Variants in CNBD1 observed in about 807,000 individuals in gnomAD.
CNBD1 encodes the protein cyclic nucleotide-binding domain-containing protein 1.
A neutral mutation model predicts 54.4 loss-of-function variants in CNBD1; 71 were observed. The ratio of observed to expected loss-of-function variants is 1.30; its 90% confidence interval spans 1.08 to 1.59. The LOEUF is 1.59. CNBD1 is among the 40% of genes most tolerant of loss of function. The pLI is 0.00. For synonymous variants in CNBD1, 182 were observed against 170.7 expected (o/e 1.07, Z -0.51); for missense variants, 659 against 518.0 (o/e 1.27, Z -2.64).
chr8:87,075,510 A>G (rs939294806), intron 4 of CNBD1, among the ~76,000 whole-genome samples: 7 of 152,208 alleles, frequency 4.6e-5, no homozygotes, highest in African/African-American at 7.2e-5. Flanking sequence ...CTCATTCATC[A>G]TGATTGCTTC....
At chr8:87,145,909 T>C (rs1388241017) in intron 4 of CNBD1, among the ~76,000 whole-genome samples, 1 of 152,150 alleles carries the variant, frequency 6.6e-6, no homozygotes, top group East Asian at 1.9e-4. Context: ...GATCATATTT[T>C]ACTTTCTACT....
chr8:87,341,022 C>A (rs1368947484), intron 8 of CNBD1, among the ~76,000 whole-genome samples: 1 of 152,100 alleles, frequency 6.6e-6, no homozygotes, highest in African/African-American at 2.4e-5. Context: ...ATTTTTCATA[C>A]ATACGTTCAT....
chr8:87,404,692 CT>C (rs1462108110), intron 2 of CNBD1, among the ~76,000 whole-genome samples: 1 of 152,056 alleles, frequency 6.6e-6, no homozygotes, highest in Non-Finnish European at 1.5e-5. Context: ...GGTTTAGCTG[CT>C]TGTATATTTG....
At chr8:87,370,828 C>T (rs1228883888) in intron 10 of CNBD1, among the ~76,000 whole-genome samples, 1 of 150,202 alleles carries the variant, frequency 6.7e-6, no homozygotes, top group African/African-American at 2.5e-5. Context: ...ATGGTAATGC[C>T]TAGGTTTTCT....
intron 4 of CNBD1, among the ~76,000 whole-genome samples, chr8:87,110,216 G>A (rs1811635072): frequency 6.6e-6 from 1 of 152,092 alleles, no homozygotes; most frequent in East Asian, 1.9e-4. Context: ...TGCTACAAAT[G>A]GCATGCACTT....
chr8:87,398,641 A>G (rs1040119034), intron 2 of CNBD1, among the ~76,000 whole-genome samples: 1 of 151,940 alleles, frequency 6.6e-6, no homozygotes, highest in African/African-American at 2.4e-5. Flanking sequence ...TCCTTTTATT[A>G]TATTCCACAC....
intron 4 of CNBD1, among the ~76,000 whole-genome samples, chr8:87,029,347 C>T (rs1726680166): frequency 2.0e-5 from 3 of 152,158 alleles, no homozygotes; most frequent in Admixed American, 1.3e-4. Flanking sequence ...TGGTAATTTT[C>T]AGCACTTAGT....
At chr8:87,365,919 C>G (rs972415392) in intron 10 of CNBD1, among the ~76,000 whole-genome samples, 1 of 151,926 alleles carries the variant, frequency 6.6e-6, no homozygotes, top group African/African-American at 2.4e-5. Context: ...AGTTCTTTTC[C>G]TGCTCTTTGA....
intron 1 of CNBD1, among the ~76,000 whole-genome samples, chr8:86,873,583 C>T (rs186936007): frequency 4.3e-4 from 66 of 151,998 alleles, no homozygotes; most frequent in African/African-American, 1.5e-3. Flanking sequence ...CCCTGGAGGC[C>T]AGGAGTTTGA....
At chr8:87,168,084 T>C (rs752134296) in intron 4 of CNBD1, among the ~76,000 whole-genome samples, 10 of 152,030 alleles carry the variant, frequency 6.6e-5, no homozygotes, top group Non-Finnish European at 1.0e-4. Flanking sequence ...TATATGTGTA[T>C]CCCATCATTG....
rs116360892 is a variant in CNBD1, at chr8:87,290,623, C to A, written c.1042+3952C>A. On this transcript the variant is annotated intron_variant, in intron 8 of 10. Transcript: ENST00000518476. Reference sequence around the variant, plus strand: ...GGATGCTTGTTTGCAGCCTGAAGAACTTTTTTTAGTATTTCTTTGAGGGAG... The same window carrying A: ...GGATGCTTGTTTGCAGCCTGAAGAAATTTTTTTAGTATTTCTTTGAGGGAG... 7.5e-3 allele frequency among the ~76,000 whole-genome samples: 1,142 copies of A among 152,138 alleles called. 15 individuals are homozygous for A. Among genetic ancestry groups the A allele is most frequent in the African/African-American group, 0.026 (1,082 of 41,552 alleles).
intron 3 of CNBD1, among the ~76,000 whole-genome samples, chr8:86,912,281 G>T (rs186369645): frequency 1.4e-4 from 22 of 152,256 alleles, no homozygotes; most frequent in Non-Finnish European, 2.6e-4. Context: ...TCAATGAGGG[G>T]TACATTTTTC....
chr8:87,329,162 T>G (rs769320725), intron 8 of CNBD1, among the ~76,000 whole-genome samples: 1 of 152,214 alleles, frequency 6.6e-6, no homozygotes, highest in Non-Finnish European at 1.5e-5. Flanking sequence ...TGTTCAGCAC[T>G]GTTCTTTGGA....
In CNBD1 at chr8:87,239,895, T is replaced by C. The variant is rs376593271; in HGVS notation, c.771+2783T>C. On this transcript the variant is annotated intron_variant, in intron 6 of 10. Transcript: ENST00000518476. ...AGAGTTGATTATATAAGGAAAGAGATAAAAAATTACACATTTATTTACAAG... is the reference window on the plus strand; with the variant it reads ...AGAGTTGATTATATAAGGAAAGAGACAAAAAATTACACATTTATTTACAAG... Among the ~76,000 whole-genome samples, 38 of 151,872 alleles carry C rather than the reference T, an allele frequency of 2.5e-4. 1 individual carries two copies. The highest frequency in any genetic ancestry group is 1.9e-3 in the East Asian group (10 of 5,178).
chr8:87,229,917 G>A (rs544574801), intron 5 of CNBD1, among the ~76,000 whole-genome samples: 11 of 152,176 alleles, frequency 7.2e-5, no homozygotes, highest in Admixed American at 1.3e-4. Context: ...GTATTAGTCC[G>A]TTTTCACGCT....
chr8:87,228,894 C>G (rs200247008), intron 5 of CNBD1, among the ~76,000 whole-genome samples: 12 of 152,216 alleles, frequency 7.9e-5, no homozygotes, highest in East Asian at 7.7e-4. Flanking sequence ...ATCAGCGAGA[C>G]TCTGTGGGGT....
intron 6 of CNBD1, among the ~76,000 whole-genome samples, chr8:87,240,377 G>C (rs920361462): frequency 3.9e-5 from 6 of 152,126 alleles, no homozygotes; most frequent in African/African-American, 1.4e-4. Context: ...GGCCCAGTGA[G>C]GGTAAATTAT....
intron 3 of CNBD1, among the ~76,000 whole-genome samples, chr8:86,905,626 T>C (rs1222913362): frequency 6.6e-6 from 1 of 152,140 alleles, no homozygotes; most frequent in African/African-American, 2.4e-5. Context: ...CCTTTTTTAC[T>C]GGGCTCCTGC....
At chr8:87,424,369 G>C (rs1808004991) in intron 2 of CNBD1, among the ~76,000 whole-genome samples, 1 of 152,160 alleles carries the variant, frequency 6.6e-6, no homozygotes, top group South Asian at 2.1e-4. Context: ...TGTGATGTTA[G>C]GGTGTCAATT....
Sources: gnomAD v4.1 joint callset for allele counts (sites outside exome capture counted in the v4.1 genomes callset) on GRCh38, gnomAD v4.1.1 for gene constraint, MANE v1.5 for transcripts, NCBI Gene and HGNC (gene_info 2026-07-23, HGNC 2026-07-21) for gene names.